BRSK2: variants seen among roughly 807,000 people sequenced by gnomAD.
The protein encoded by BRSK2 is serine/threonine-protein kinase BRSK2.
A neutral mutation model predicts 83.3 loss-of-function variants in BRSK2; 19 were observed. The observed-to-expected ratio is 0.23, with a 90% CI of 0.16 to 0.33. BRSK2 has a LOEUF of 0.33. Among genes scored for constraint, BRSK2 ranks in the 10% least tolerant of loss-of-function variants. BRSK2 has a pLI of 1.00. For synonymous variants in BRSK2, 519 were observed against 435.4 expected, an observed-to-expected ratio of 1.19 and a Z score of -2.39; for missense variants, 798 against 1,042.3, an observed-to-expected ratio of 0.77 and a Z score of 3.23.
intron 18 of BRSK2, among the ~76,000 whole-genome samples, chr11:1,458,556 A>AC (rs1248689053): frequency 6.7e-4 from 101 of 151,190 alleles, no homozygotes; most frequent in Non-Finnish European, 9.9e-4. Context: ...GACACTGCCC[A>AC]CCCCCCCAGA....
At chr11:1,415,681 C>T (rs572864152) in intron 1 of BRSK2, among the ~76,000 whole-genome samples, 9 of 152,244 alleles carry the variant, frequency 5.9e-5, no homozygotes, top group East Asian at 1.9e-4. Context: ...CCTGCCTGCC[C>T]GGGGCCTGCT....
intron 1 of BRSK2, chr11:1,411,646 C>A: frequency 6.5e-7 from 1 of 1,537,564 alleles, no homozygotes; most frequent in Non-Finnish European, 8.7e-7. Flanking sequence ...GCGTGCCACG[C>A]TCCCTGGCTG....
chr11:1,446,364 T>A (rs1164382245), intron 12 of BRSK2, among the ~76,000 whole-genome samples: 1 of 148,422 alleles, frequency 6.7e-6, no homozygotes, highest in Non-Finnish European at 1.5e-5. Flanking sequence ...TGGGCAGGGC[T>A]GGGCTGAGCT....
chr11:1,408,410 G>A (rs897233335), intron 1 of BRSK2, among the ~76,000 whole-genome samples: 3 of 152,320 alleles, frequency 2.0e-5, no homozygotes, highest in African/African-American at 4.8e-5. Context: ...CAGCAGCCAC[G>A]GGAGAACTGG....
chr11:1,446,843 T>C (rs1852206631), intron 12 of BRSK2, among the ~76,000 whole-genome samples: 1 of 152,180 alleles, frequency 6.6e-6, no homozygotes, highest in Admixed American at 6.5e-5. Flanking sequence ...CAGTCTCTGG[T>C]CTGCCCTGTG....
Position 1,408,830 on chromosome 11 carries a change from T to TGGG in BRSK2, c.91+18456_91+18457insGGG, listed in dbSNP as rs1263947711. On this transcript the variant is annotated intron_variant, in intron 1 of 19. Coordinates refer to ENST00000528841, the MANE Select transcript of BRSK2 (RefSeq NM_001256627.2). ...CTGTGCTGGTGTGTGTGTGTGTGTGTGTGTGGCTGTGCTGGGGTGTGTGTG... is the reference window on the plus strand; with the variant it reads ...CTGTGCTGGTGTGTGTGTGTGTGTGTGGGGTGTGGCTGTGCTGGGGTGTGTGTG... Among the ~76,000 whole-genome samples the TGGG allele has an allele frequency of 7.3e-4, 110 of 150,916 alleles. 1 individual carries two copies. The highest frequency in any genetic ancestry group is 2.6e-3 in the African/African-American group (105 of 40,600).
chr11:1,401,069 A>G (rs1424435616), intron 1 of BRSK2, among the ~76,000 whole-genome samples: 5 of 152,218 alleles, frequency 3.3e-5, no homozygotes, highest in Non-Finnish European at 4.4e-5. Context: ...GAGGACCAGC[A>G]GACAGAATAG....
intron 1 of BRSK2, among the ~76,000 whole-genome samples, chr11:1,407,932 G>A (rs11822524): frequency 0.24 from 36,356 of 152,116 alleles, 4,617 homozygotes; most frequent in African/African-American, 0.28. Context: ...AGGGAAGGCC[G>A]CCTGGGTCTC....
chr11:1,408,177 C>T (rs1326254282), intron 1 of BRSK2, among the ~76,000 whole-genome samples: 1 of 152,252 alleles, frequency 6.6e-6, no homozygotes, highest in Non-Finnish European at 1.5e-5. Context: ...CCCAGCCTCC[C>T]TCCGCCTGTT....
intron 1 of BRSK2, among the ~76,000 whole-genome samples, chr11:1,401,674 C>T (rs1016949894): frequency 5.3e-5 from 8 of 152,240 alleles, no homozygotes; most frequent in South Asian, 2.1e-4. Flanking sequence ...TGCTCTGCTG[C>T]GTCGTGCCAG....
intron 8 of BRSK2, among the ~76,000 whole-genome samples, chr11:1,444,122 A>G (rs1851707210): frequency 6.6e-6 from 1 of 151,974 alleles, no homozygotes; most frequent in Non-Finnish European, 1.5e-5. Context: ...TGTAGGTGAG[A>G]CCTGGCTATA....
At chr11:1,399,420 G>A (rs528216406) in intron 1 of BRSK2, among the ~76,000 whole-genome samples, 3 of 152,324 alleles carry the variant, frequency 2.0e-5, no homozygotes, top group South Asian at 2.1e-4. Flanking sequence ...CAGGATGCCC[G>A]AGGGTGGGGA....
intron 1 of BRSK2, among the ~76,000 whole-genome samples, chr11:1,415,181 G>A (rs551473095): frequency 1.4e-4 from 20 of 145,642 alleles, no homozygotes; most frequent in Non-Finnish European, 2.4e-4. Context: ...TGCAAGCTCC[G>A]CCTCCAGGGT....
chr11:1,417,344 C>T lies in BRSK2; in HGVS notation c.92-18696C>T, dbSNP rs1391398987. Among the ~76,000 whole-genome samples, 4 of 152,226 alleles carry T rather than the reference C, an allele frequency of 2.6e-5. No homozygotes were observed. In the East Asian group the frequency reaches 7.7e-4, roughly 29 times the overall value. ...GTTTCTGCTGGCTGGTCATTGAGGT[C>T]ACTGTTCTTCTATTGTACCCACGCT... On this transcript the variant is annotated intron_variant, in intron 1 of 19. Transcript: ENST00000528841.
intron 6 of BRSK2, 69 bp downstream of exon 6, chr11:1,443,208 C>G: frequency 6.6e-7 from 1 of 1,522,356 alleles, no homozygotes; most frequent in Non-Finnish European, 8.8e-7. Flanking sequence ...TGGTGGGACC[C>G]CAGCCTGCCG....
At position 1,390,733 on chromosome 11, in the gene BRSK2, G is replaced by A. The variant is rs1360314987; in HGVS notation, c.91+358G>A. 6.6e-6 allele frequency among the ~76,000 whole-genome samples: 1 copy of A among 151,414 alleles called. No individual in the cohort carries two copies. Among genetic ancestry groups the A allele is most frequent in the African/African-American group, 2.4e-5 (1 of 41,340 alleles). On this transcript the variant is annotated intron_variant, in intron 1 of 19. Coordinates refer to ENST00000528841, the MANE Select transcript of BRSK2 (RefSeq NM_001256627.2). The surrounding 1 kb of genome is among the most constrained non-coding windows in gnomAD (Gnocchi z 6.8). ...GCCCATTGTGCCGCGGGAGGAGGGG[G>A]CCGCGCGGGCGCCCATCTGCCGTCT...
chr11:1,450,637 G>C lies in BRSK2; in HGVS notation c.1338G>C (p.Gly446=), dbSNP rs1396392437. ...GCAGTCCCCTCCCCACCCCCAAGGG[G>C]ACACCTGTCCACACGCCAAAGGAGA... ...PRGSPLPTPK[G]TPVHTPKESP... The change falls in exon 14 of 20, where the codon GGG becomes GGC. Residue 446 remains glycine, a synonymous_variant. Coordinates refer to ENST00000528841, the MANE Select transcript of BRSK2 (RefSeq NM_001256627.2). The C allele has an allele frequency of 6.2e-7, 1 of 1,605,632 alleles. No individual in the cohort carries two copies. The highest frequency in any genetic ancestry group is 1.1e-5 in the South Asian group (1 of 90,224).
intron 1 of BRSK2, among the ~76,000 whole-genome samples, chr11:1,425,734 G>A (rs953541659): frequency 2.6e-4 from 39 of 152,272 alleles, no homozygotes; most frequent in African/African-American, 7.2e-4. Flanking sequence ...AGCTGCCCCC[G>A]TCCTTTCTTT....
intron 1 of BRSK2, among the ~76,000 whole-genome samples, chr11:1,420,764 CT>C: frequency 6.6e-6 from 1 of 152,242 alleles, no homozygotes; most frequent in Non-Finnish European, 1.5e-5. Context: ...GCCTGGGGGA[CT>C]CCTCTGGTTA....
Sources: allele counts gnomAD v4.1 joint callset (sites outside exome capture counted in the v4.1 genomes callset), GRCh38; gene constraint gnomAD v4.1.1; non-coding constraint Gnocchi (gnomAD v3.1); transcripts MANE v1.5; gene names NCBI Gene and HGNC (gene_info 2026-07-23, HGNC 2026-07-21).